PTGER3: variants seen among roughly 807,000 people sequenced by gnomAD.
The protein encoded by PTGER3 is prostaglandin E2 receptor EP3 subtype.
PTGER3 carries 22 observed loss-of-function variants against 34.7 expected under a neutral mutation model. The observed-to-expected ratio is 0.63, with a 90% CI of 0.45 to 0.91. The LOEUF is 0.91. PTGER3 is among the 40% of genes least tolerant of loss of function. The probability of loss-of-function intolerance (pLI) is 0.00; values close to 1 mark genes in which losing one functional copy is unlikely to be tolerated. For missense variants in PTGER3, 468 were observed against 519.4 expected, an observed-to-expected ratio of 0.90 and a Z score of 0.96; for synonymous variants, 241 against 230.1, an observed-to-expected ratio of 1.05 and a Z score of -0.43.
intron 4 of PTGER3, among the ~76,000 whole-genome samples, chr1:70,893,869 C>T (rs1646669643): frequency 6.6e-6 from 1 of 152,010 alleles, no homozygotes; most frequent in Non-Finnish European, 1.5e-5. Flanking sequence ...CCTCCATACC[C>T]CATTCAACAT....
chr1:71,036,590 C>G (rs1659845670), intron 1 of PTGER3, among the ~76,000 whole-genome samples: 1 of 152,012 alleles, frequency 6.6e-6, no homozygotes, highest in Non-Finnish European at 1.5e-5. Flanking sequence ...CCTGTAATCC[C>G]AGCCCTTTGG....
At chr1:70,889,373 C>G (rs1173125012) in intron 4 of PTGER3, among the ~76,000 whole-genome samples, 3 of 148,528 alleles carry the variant, frequency 2.0e-5, no homozygotes, top group Non-Finnish European at 4.4e-5. Context: ...CGAGATCACG[C>G]CACTGCACTC....
At chr1:70,953,720 G>T in intron 3 of PTGER3, 1 of 1,537,370 alleles carries the variant, frequency 6.5e-7, no homozygotes, top group East Asian at 2.5e-5. Context: ...GAAGAGGTTT[G>T]GATTCAAATG....
intron 4 of PTGER3, among the ~76,000 whole-genome samples, chr1:70,914,767 G>T (rs1468837967): frequency 2.0e-5 from 3 of 151,882 alleles, no homozygotes; most frequent in Non-Finnish European, 4.4e-5. Flanking sequence ...AGTTAACTGG[G>T]ATGATTTATA....
At chr1:70,969,803 T>A (rs1306096348), downstream of PTGER3, among the ~76,000 whole-genome samples, 2 of 152,126 alleles carry the variant, frequency 1.3e-5, no homozygotes, top group African/African-American at 4.8e-5. Context: ...ATAGTTGAAA[T>A]TGAGATTCAC....
chr1:70,869,814 C>T (rs925277817), intron 4 of PTGER3, among the ~76,000 whole-genome samples: 4 of 152,136 alleles, frequency 2.6e-5, no homozygotes, highest in East Asian at 1.9e-4. Flanking sequence ...CCTGTAGCTT[C>T]GCAGGGTTCG....
At chr1:70,918,853 T>C (rs778581104) in intron 4 of PTGER3, among the ~76,000 whole-genome samples, 5 of 152,078 alleles carry the variant, frequency 3.3e-5, no homozygotes, top group Admixed American at 1.3e-4. Flanking sequence ...TCTCCCTATA[T>C]ACTAGATACA....
At chr1:70,927,093 T>C (rs959863406) in intron 4 of PTGER3, among the ~76,000 whole-genome samples, 1 of 152,278 alleles carries the variant, frequency 6.6e-6, no homozygotes, top group Non-Finnish European at 1.5e-5. Flanking sequence ...CAGTATTTTA[T>C]TGGGGATTTT....
At chr1:70,957,914 A>G (rs1358663461) in intron 2 of PTGER3, among the ~76,000 whole-genome samples, 1 of 152,108 alleles carries the variant, frequency 6.6e-6, no homozygotes, top group African/African-American at 2.4e-5. Flanking sequence ...TAGATTTCAC[A>G]TGAGTGAGAT....
chr1:70,964,931 A>G (rs982364495), intron 2 of PTGER3, among the ~76,000 whole-genome samples: 2 of 152,214 alleles, frequency 1.3e-5, no homozygotes, highest in Admixed American at 6.5e-5. Flanking sequence ...CCCATCTTGG[A>G]TAGCAAAGAA....
At chr1:70,916,690 T>C (rs1437074757) in intron 4 of PTGER3, among the ~76,000 whole-genome samples, 2 of 151,902 alleles carry the variant, frequency 1.3e-5, no homozygotes, top group Non-Finnish European at 2.9e-5. Flanking sequence ...CACACGGACA[T>C]AAATGTGGGA....
At chr1:71,024,816 G>A (rs12134992) in intron 1 of PTGER3, among the ~76,000 whole-genome samples, 56,432 of 150,804 alleles carry the variant, frequency 0.37, 11,469 homozygotes, top group South Asian at 0.47. Flanking sequence ...CAACCTCCCA[G>A]TGTGCTGGGA....
chr1:71,034,991 G>A (rs1307655945), intron 1 of PTGER3, among the ~76,000 whole-genome samples: 5 of 152,058 alleles, frequency 3.3e-5, no homozygotes, highest in Admixed American at 2.0e-4. Context: ...AAAAGTATGT[G>A]TGAGAAAGAG....
intron 4 of PTGER3, among the ~76,000 whole-genome samples, chr1:70,855,664 GTATTAA>G (rs1273737567): frequency 6.6e-6 from 1 of 152,014 alleles, no homozygotes; most frequent in Admixed American, 6.6e-5. Flanking sequence ...TTATGACAGA[GTATTAA>G]TATCTGTTCA....
In PTGER3 at chr1:71,047,587, G is replaced by C. The variant is rs571708329; in HGVS notation, c.-10C>G. On this transcript the variant is annotated 5_prime_UTR_variant, in exon 1 of 4. Transcript: ENST00000306666. ...CCCGGGTCTCCTTCATGTTGGCTTC[G>C]AGGTGAGGAGGGGATGGCGTCCAGA... 27 of 1,519,590 alleles carry C rather than the reference G, an allele frequency of 1.8e-5. No homozygotes were observed. In the African/African-American group the frequency reaches 1.8e-4, roughly 10 times the overall value. 94.1% of individuals were successfully genotyped at this position (1,519,590 alleles called of 1,614,324 possible). A position where few individuals can be genotyped will look rare whatever the true frequency, so the allele number is the denominator to read the frequency against.
rs764182070 is a variant in PTGER3 at position 71,046,717 on chromosome 1, G to A, written c.861C>T (p.Ile287=). ...ACCAGCAGACCGACAGCACGCACAT[G>A]ATCCCCATAAGCTGAATGGCCGTCT... The part of the protein sequence containing the change: ...TTETAIQLMG[I]MCVLSVCWSP... Residue 287 remains isoleucine, a synonymous_variant, in exon 1 of 4, where the codon ATC becomes ATT. Coordinates refer to ENST00000306666, the MANE Select transcript of PTGER3 (RefSeq NM_198719.2). 10 of 1,596,138 alleles carry A rather than the reference G, an allele frequency of 6.3e-6. No individual in the cohort carries two copies. Among genetic ancestry groups the A allele is most frequent in the Non-Finnish European group, 7.7e-6 (9 of 1,169,814 alleles).
intron 4 of PTGER3, among the ~76,000 whole-genome samples, chr1:70,914,527 T>G (rs893565287): frequency 4.6e-5 from 7 of 151,920 alleles, no homozygotes; most frequent in African/African-American, 1.7e-4. Flanking sequence ...ATTAAAAAAT[T>G]CACATCTCAG....
chr1:70,986,757 G>A (rs1654955141), intron 2 of PTGER3, among the ~76,000 whole-genome samples: 1 of 152,148 alleles, frequency 6.6e-6, no homozygotes, highest in Admixed American at 6.5e-5. Context: ...TCACACAGAT[G>A]CCATCTTGGC....
At chr1:71,017,720 G>C (rs1162220620) in intron 1 of PTGER3, among the ~76,000 whole-genome samples, 1 of 152,138 alleles carries the variant, frequency 6.6e-6, no homozygotes, top group Non-Finnish European at 1.5e-5. Flanking sequence ...CTTCCACCAT[G>C]ATCACAAGTT....
Sources: gnomAD v4.1 joint callset for allele counts (sites outside exome capture counted in the v4.1 genomes callset) on GRCh38, gnomAD v4.1.1 for gene constraint, MANE v1.5 for transcripts, NCBI Gene and HGNC (gene_info 2026-07-23, HGNC 2026-07-21) for gene names.